Variants in POLN observed in about 807,000 individuals in gnomAD.
The protein encoded by POLN is DNA polymerase nu.
In POLN, 108 loss-of-function variants were observed where a neutral mutation model predicts 113.5. That is an observed-to-expected ratio of 0.95 (90% CI 0.81 to 1.12). The LOEUF (loss-of-function observed/expected upper bound fraction) is 1.12, where lower values mean the gene tolerates loss of function less well. POLN is among the 50% of genes most tolerant of loss of function. The probability of loss-of-function intolerance (pLI) is 0.00; values close to 1 mark genes in which losing one functional copy is unlikely to be tolerated. For synonymous variants in POLN, 386 were observed against 391.5 expected (o/e 0.99, Z 0.17); for missense variants, 1,097 against 1,077.1 (o/e 1.02, Z -0.26).
intron 3 of POLN, among the ~76,000 whole-genome samples, chr4:2,222,263 A>G (rs1310732522): frequency 6.6e-6 from 1 of 151,922 alleles, no homozygotes; most frequent in East Asian, 1.9e-4. Context: ...TCAGATCAAG[A>G]CCTTAATCTT....
intron 17 of POLN, among the ~76,000 whole-genome samples, chr4:2,129,961 C>T (rs1400436266): frequency 6.6e-6 from 1 of 151,904 alleles, no homozygotes; most frequent in Non-Finnish European, 1.5e-5. Flanking sequence ...TTAGAAAGGA[C>T]TGCTCATTGG....
chr4:2,235,696 T>C (rs1043806161), intron 2 of POLN, among the ~76,000 whole-genome samples: 2 of 152,132 alleles, frequency 1.3e-5, no homozygotes, highest in Middle Eastern at 3.2e-3. Context: ...ACCAGTATAA[T>C]AACAGCACAT....
chr4:2,221,782 C>A (rs1432897514), intron 3 of POLN, among the ~76,000 whole-genome samples: 1 of 152,124 alleles, frequency 6.6e-6, no homozygotes, highest in Non-Finnish European at 1.5e-5. Flanking sequence ...ACCACGTTGG[C>A]CAGTCTGGTC....
chr4:2,142,661 A>G (rs1310496457), intron 16 of POLN, among the ~76,000 whole-genome samples: 3 of 152,206 alleles, frequency 2.0e-5, no homozygotes, highest in Non-Finnish European at 2.9e-5. Context: ...AACCACAGAC[A>G]AAAACAACAA....
At chr4:2,204,601 T>C (rs552190230) in intron 5 of POLN, among the ~76,000 whole-genome samples, 5 of 152,176 alleles carry the variant, frequency 3.3e-5, no homozygotes, top group Non-Finnish European at 7.3e-5. Flanking sequence ...GAAGTCAGTA[T>C]CACCCTAATA....
At chr4:2,210,980 G>A (rs1269104390) in intron 4 of POLN, among the ~76,000 whole-genome samples, 1 of 150,112 alleles carries the variant, frequency 6.7e-6, no homozygotes, top group Non-Finnish European at 1.5e-5. Flanking sequence ...TCCAGGCACG[G>A]TGGCTCATGC....
At chr4:2,209,457 C>T (rs576391692) in intron 4 of POLN, among the ~76,000 whole-genome samples, 7 of 137,260 alleles carry the variant, frequency 5.1e-5, no homozygotes, top group Admixed American at 1.6e-4. Flanking sequence ...CCAGCTTGGG[C>T]GACAGAGCAA....
intron 16 of POLN, among the ~76,000 whole-genome samples, chr4:2,153,074 C>A (rs1195916910): frequency 6.6e-6 from 1 of 152,188 alleles, no homozygotes; most frequent in Non-Finnish European, 1.5e-5. Flanking sequence ...GGCAACTGTA[C>A]AACACACCCA....
At position 2,150,418 on chromosome 4, in the gene POLN, C is replaced by T. The variant is rs74566919; in HGVS notation, c.1731+6370G>A. On this transcript the variant is annotated intron_variant, in intron 16 of 25. Transcript: ENST00000511885. ...GCCAATTCTCCCCAGATTGAGTTCT[C>T]GATTCAAGGTAATCCCAATGAAAAT... Among the ~76,000 whole-genome samples the T allele has an allele frequency of 2.1e-3, 312 of 152,130 alleles. 2 individuals are homozygous for T. Among genetic ancestry groups the T allele is most frequent in the African/African-American group, 5.7e-3 (236 of 41,524 alleles).
chr4:2,235,137 G>C (rs1734716094), intron 2 of POLN, among the ~76,000 whole-genome samples: 2 of 152,220 alleles, frequency 1.3e-5, no homozygotes, highest in African/African-American at 4.8e-5. Flanking sequence ...ACCCGCCTCA[G>C]CCTCCCAAAG....
intron 2 of POLN, chr4:2,231,624 T>C (rs1734582488): frequency 5.7e-6 from 1 of 174,958 alleles, no homozygotes; most frequent in South Asian, 1.5e-4. Context: ...GCAGAAAATT[T>C]CTATTTCTAA....
chr4:2,223,450 A>G (rs995985929), intron 3 of POLN, among the ~76,000 whole-genome samples: 1 of 152,190 alleles, frequency 6.6e-6, no homozygotes, highest in Non-Finnish European at 1.5e-5. Context: ...CGAGCTCCTT[A>G]TGAGAATCTA....
At chr4:2,133,685 G>C (rs1228976238) in intron 16 of POLN, among the ~76,000 whole-genome samples, 2 of 152,138 alleles carry the variant, frequency 1.3e-5, no homozygotes, top group African/African-American at 2.4e-5. Flanking sequence ...GTGTTCAGTT[G>C]CTTCTGTCTT....
intron 19 of POLN, among the ~76,000 whole-genome samples, chr4:2,105,408 G>A (rs1029370860): frequency 3.3e-5 from 5 of 151,964 alleles, no homozygotes; most frequent in Non-Finnish European, 5.9e-5. Context: ...CCATCCAACA[G>A]GCATCCAGTT....
intron 16 of POLN, among the ~76,000 whole-genome samples, chr4:2,137,828 T>C (rs1731898094): frequency 1.3e-5 from 2 of 151,990 alleles, no homozygotes; most frequent in Middle Eastern, 3.2e-3. Context: ...AGCAGAGGTG[T>C]TTCTTCGGTC....
At chr4:2,163,024 T>C (rs1462427678) in intron 13 of POLN, among the ~76,000 whole-genome samples, 2 of 45,698 alleles carry the variant, frequency 4.4e-5, no homozygotes, top group Non-Finnish European at 3.7e-5. Flanking sequence ...TTTCAGTTCC[T>C]ACCAAAAAAA....
At chr4:2,152,809 G>C (rs545908841) in intron 16 of POLN, among the ~76,000 whole-genome samples, 9 of 152,270 alleles carry the variant, frequency 5.9e-5, no homozygotes, top group African/African-American at 2.2e-4. Flanking sequence ...AAACAATGAG[G>C]GATGTCAGTA....
rs35463696 is a variant in POLN, at chr4:2,164,501, CAAA to C, written c.1555-5293_1555-5291del. Among the ~76,000 whole-genome samples, 55 of 81,808 alleles carry C rather than the reference CAAA, an allele frequency of 6.7e-4. 1 individual carries two copies. Among genetic ancestry groups the C allele is most frequent in the African/African-American group, 2.1e-3 (46 of 22,050 alleles). The allele number at this position is 81,808 out of a possible 152,430, so 53.7% of individuals were successfully genotyped here. The stretch of plus-strand genomic sequence containing the variant: ...GGGCAACAAGAGTGAAACTCTGTCT[CAAA>C]AAAAAAAAAAAAAAAAGGCTGGGTG... On this transcript the variant is annotated intron_variant, in intron 13 of 25. Coordinates refer to ENST00000511885, the MANE Select transcript of POLN (RefSeq NM_181808.4).
intron 5 of POLN, among the ~76,000 whole-genome samples, chr4:2,200,948 T>C (rs1037564536): frequency 2.0e-5 from 3 of 151,814 alleles, no homozygotes; most frequent in African/African-American, 7.3e-5. Flanking sequence ...AAAGCCCAGT[T>C]TAAGGAAGTC....
Sources: gnomAD v4.1 joint callset for allele counts (sites outside exome capture counted in the v4.1 genomes callset) on GRCh38, gnomAD v4.1.1 for gene constraint, MANE v1.5 for transcripts, NCBI Gene and HGNC (gene_info 2026-07-23, HGNC 2026-07-21) for gene names.